The following CDYL variants were observed in gnomAD, a reference collection of about 807,000 sequenced individuals.
CDYL encodes chromodomain Y like, also known as chromodomain Y-like protein.
A neutral mutation model predicts 47.3 loss-of-function variants in CDYL; 8 were observed. The ratio of observed to expected loss-of-function variants is 0.17; its 90% CI spans 0.10 to 0.31. CDYL has a LOEUF of 0.31. Among genes scored for constraint, CDYL ranks in the 10% least tolerant of loss-of-function variants. CDYL has a pLI of 1.00. For synonymous variants in CDYL, 266 were observed against 265.0 expected (o/e 1.00, Z -0.04); for missense variants, 471 against 701.4 (o/e 0.67, Z 3.71).
chr6:4,798,752 G>A (rs1581173604), intron 1 of CDYL, among the ~76,000 whole-genome samples: 1 of 152,192 alleles, frequency 6.6e-6, no homozygotes, highest in African/African-American at 2.4e-5. Context: ...ATTCTTTCAT[G>A]AATATGTACT....
intron 1 of CDYL, among the ~76,000 whole-genome samples, chr6:4,715,530 T>C (rs543355942): frequency 6.6e-6 from 1 of 152,358 alleles, no homozygotes; most frequent in African/African-American, 2.4e-5. Flanking sequence ...TTGACTACTT[T>C]AAACATTGCT....
intron 2 of CDYL, among the ~76,000 whole-genome samples, chr6:4,900,779 G>GTGTGTATATATGTATGTGTATATATA: frequency 3.9e-5 from 2 of 51,700 alleles, no homozygotes; most frequent in African/African-American, 6.3e-5. Context: ...GTATACGTGT[G>GTGTGTATATATGTATGTGTATATATA]TATATATATA....
Position 4,796,204 on chromosome 6 carries a change from A to G in CDYL, c.24+19397A>G, listed in dbSNP as rs533675198. 5.9e-5 allele frequency among the ~76,000 whole-genome samples: 9 copies of G among 152,282 alleles called. No homozygotes were observed. In the South Asian group the frequency reaches 1.7e-3, roughly 28 times the overall value. ...TGCCTCGGCCTCACAAAGTGCTGGC[A>G]TTACAGGTGTGAGCCACTGCGCCTG... On this transcript the variant is annotated intron_variant, in intron 1 of 6. Transcript: ENST00000397588.
At chr6:4,863,326 C>T (rs924851944) in intron 1 of CDYL, among the ~76,000 whole-genome samples, 10 of 152,170 alleles carry the variant, frequency 6.6e-5, no homozygotes, top group African/African-American at 2.2e-4. Flanking sequence ...TTGTAACAAA[C>T]TTGTACATGT....
At chr6:4,892,498 C>G in intron 2 of CDYL, 119 bp downstream of exon 2, 1 of 1,080,470 alleles carries the variant, frequency 9.3e-7, no homozygotes. Context: ...CTGCTGGAGC[C>G]TTGCAGAGAT....
chr6:4,952,656 C>T (rs1371094040), intron 6 of CDYL, among the ~76,000 whole-genome samples: 1 of 152,136 alleles, frequency 6.6e-6, no homozygotes, highest in Non-Finnish European at 1.5e-5. Context: ...AGCAAATGTC[C>T]TATGAAAGTC....
intron 1 of CDYL, among the ~76,000 whole-genome samples, chr6:4,859,207 A>G (rs1761094845): frequency 6.6e-6 from 1 of 152,140 alleles, no homozygotes; most frequent in Non-Finnish European, 1.5e-5. Flanking sequence ...CAGCAGAGAC[A>G]TGTTCTGTGG....
At chr6:4,791,420 A>G (rs1758913191) in intron 1 of CDYL, among the ~76,000 whole-genome samples, 1 of 152,212 alleles carries the variant, frequency 6.6e-6, no homozygotes, top group Non-Finnish European at 1.5e-5. Context: ...TCACGTCAAA[A>G]TCTGTTTCTC....
chr6:4,832,253 A>C (rs1302833023), intron 1 of CDYL, among the ~76,000 whole-genome samples: 2 of 152,218 alleles, frequency 1.3e-5, no homozygotes, highest in Non-Finnish European at 2.9e-5. Context: ...AAGTCCCATC[A>C]ATACCTAATT....
At chr6:4,725,684 C>T (rs1456798525) in intron 2 of CDYL, among the ~76,000 whole-genome samples, 1 of 152,246 alleles carries the variant, frequency 6.6e-6, no homozygotes, top group African/African-American at 2.4e-5. Flanking sequence ...GCCCGCGCCT[C>T]TCCCTCCACA....
chr6:4,763,747 A>G (rs1758211144), intron 3 of CDYL, among the ~76,000 whole-genome samples: 1 of 152,212 alleles, frequency 6.6e-6, no homozygotes, highest in Non-Finnish European at 1.5e-5. Context: ...ACTCAAGACC[A>G]GCCCTGTCAA....
At chr6:4,795,344 T>C (rs1759040926) in intron 1 of CDYL, among the ~76,000 whole-genome samples, 1 of 152,212 alleles carries the variant, frequency 6.6e-6, no homozygotes, top group African/African-American at 2.4e-5. Context: ...TTGTGTATAT[T>C]GCTACAGTTT....
At chr6:4,725,111 A>C (rs1191215087) in intron 2 of CDYL, among the ~76,000 whole-genome samples, 1 of 152,156 alleles carries the variant, frequency 6.6e-6, no homozygotes, top group Non-Finnish European at 1.5e-5. Flanking sequence ...TGCATTCACA[A>C]ACCCTGAGCT....
chr6:4,773,044 C>G (rs540149628), upstream of CDYL: 5 of 440,740 alleles, frequency 1.1e-5, no homozygotes, highest in African/African-American at 6.1e-5. The surrounding 1 kb of genome is among the most constrained non-coding windows in gnomAD (Gnocchi z 4.6). Context: ...ATCATTCTCC[C>G]GAGATGGGAA....
chr6:4,836,505 C>T (rs963773702), intron 1 of CDYL, among the ~76,000 whole-genome samples: 2 of 152,142 alleles, frequency 1.3e-5, no homozygotes, highest in Admixed American at 1.3e-4. Flanking sequence ...TGTGTCCATT[C>T]GAGAGCATGG....
intron 1 of CDYL, among the ~76,000 whole-genome samples, chr6:4,867,760 GGTT>G (rs1345805502): frequency 6.8e-6 from 1 of 147,336 alleles, no homozygotes; most frequent in Non-Finnish European, 1.5e-5. Flanking sequence ...TTGTTTTGTA[GGTT>G]GTTGTGGGGT....
intron 1 of CDYL, among the ~76,000 whole-genome samples, chr6:4,814,254 GT>G (rs1288124600): frequency 1.3e-5 from 2 of 151,988 alleles, no homozygotes; most frequent in African/African-American, 4.8e-5. Context: ...GTTGAAGTAA[GT>G]TTTCTTAAAC....
At chr6:4,868,444 A>C (rs1027439602) in intron 1 of CDYL, among the ~76,000 whole-genome samples, 1 of 151,956 alleles carries the variant, frequency 6.6e-6, no homozygotes, top group African/African-American at 2.4e-5. Context: ...TAATTCCATT[A>C]TGGCCATTAA....
intron 6 of CDYL, 104 bp from the exon 7 acceptor site, chr6:4,953,794 G>A (rs778639954): frequency 2.8e-6 from 3 of 1,075,338 alleles, no homozygotes; most frequent in Non-Finnish European, 4.0e-6. Context: ...TTTTTAACAG[G>A]TGATTGCTGG....
Sources: gnomAD v4.1 joint callset for allele counts (sites outside exome capture counted in the v4.1 genomes callset) on GRCh38, gnomAD v4.1.1 for gene constraint, Gnocchi (gnomAD v3.1) non-coding constraint, MANE v1.5 for transcripts, NCBI Gene and HGNC (gene_info 2026-07-23, HGNC 2026-07-21) for gene names.